PDE8B: variants seen among roughly 807,000 people sequenced by gnomAD.
The protein encoded by PDE8B is high affinity cAMP-specific and IBMX-insensitive 3',5'-cyclic phosphodiesterase 8B.
PDE8B carries 26 observed loss-of-function variants against 101.3 expected under a neutral mutation model. The ratio of observed to expected loss-of-function variants is 0.26; its 90% confidence interval spans 0.19 to 0.36. PDE8B has a LOEUF of 0.36. PDE8B is among the 10% of genes least tolerant of loss of function. The pLI, the probability that PDE8B is intolerant of heterozygous loss-of-function variation, is 1.00. For synonymous variants in PDE8B, 424 were observed against 429.3 expected, an observed-to-expected ratio of 0.99 and a Z score of 0.15; for missense variants, 810 against 1,163.1, an observed-to-expected ratio of 0.70 and a Z score of 4.42.
At chr5:77,174,222 GGT>G in the PDE8B span, among the ~76,000 whole-genome samples, 1 of 151,828 alleles carries the variant, frequency 6.6e-6, no homozygotes, top group African/African-American at 2.4e-5. Flanking sequence ...ATCCTTCCTG[GGT>G]GTCAACACAC....
chr5:77,310,136 A>G (rs992347633), intron 1 of PDE8B, among the ~76,000 whole-genome samples: 2 of 151,690 alleles, frequency 1.3e-5, no homozygotes, highest in African/African-American at 2.4e-5. Context: ...TTTTTAGTAG[A>G]GATGGGGTTT....
At chr5:77,169,098 T>C in the PDE8B span, among the ~76,000 whole-genome samples, 1 of 152,252 alleles carries the variant, frequency 6.6e-6, no homozygotes, top group Non-Finnish European at 1.5e-5. Context: ...TCCTGTCACT[T>C]GAACTCTTCC....
chr5:77,291,969 T>A (rs911292300), intron 1 of PDE8B, among the ~76,000 whole-genome samples: 2 of 151,588 alleles, frequency 1.3e-5, no homozygotes, highest in Non-Finnish European at 2.9e-5. Context: ...ACTCCTTTTT[T>A]AAAAATCAAA....
chr5:77,138,798 A>T, the PDE8B span, among the ~76,000 whole-genome samples: 2 of 152,222 alleles, frequency 1.3e-5, no homozygotes, highest in African/African-American at 4.8e-5. Context: ...AAAGATACAG[A>T]TAAGTCTTGT....
the PDE8B span, among the ~76,000 whole-genome samples, chr5:77,135,977 A>G: frequency 6.6e-6 from 1 of 152,096 alleles, no homozygotes; most frequent in South Asian, 2.1e-4. Flanking sequence ...GACCCCCAGG[A>G]TCAAGCTTCT....
intron 2 of PDE8B, among the ~76,000 whole-genome samples, chr5:77,324,170 C>A (rs751716219): frequency 6.6e-6 from 1 of 151,992 alleles, no homozygotes; most frequent in African/African-American, 2.4e-5. Context: ...ATATTGAGTG[C>A]CTTAACGATA....
intron 1 of PDE8B, among the ~76,000 whole-genome samples, chr5:77,258,289 CAAAAAAAAAAAA>C (rs70988662): frequency 1.1e-5 from 1 of 88,580 alleles, no homozygotes; most frequent in South Asian, 4.1e-4. Context: ...GACTCCATCT[CAAAAAAAAAAAA>C]AAAAAAAAAG....
chr5:77,210,842 CCCCCTCA>C lies in PDE8B; in HGVS notation c.-82_-76del. 1 of 1,045,672 alleles carries C rather than the reference CCCCCTCA, an allele frequency of 9.6e-7. No individual in the cohort carries two copies. Among genetic ancestry groups the C allele is most frequent in the Non-Finnish European group, 1.1e-6 (1 of 870,726 alleles). The allele number at this position is 1,045,672 out of a possible 1,614,324, so 64.8% of individuals were successfully genotyped here. On this transcript the variant is annotated 5_prime_UTR_variant, in exon 1 of 22. Coordinates refer to ENST00000264917, the MANE Select transcript of PDE8B (RefSeq NM_003719.5). This position sits in a 1 kb window ranked among gnomAD's most constrained non-coding sequence, Gnocchi z 4.9. ...CGCAGTCCGGGCGCCGCCGCGGCCG[CCCCCTCA>C]CTGCAGGTGGCAGCGGGTGCGCTGG...
the PDE8B span, among the ~76,000 whole-genome samples, chr5:77,152,753 C>G: frequency 2.6e-5 from 4 of 152,118 alleles, no homozygotes; most frequent in African/African-American, 9.7e-5. Context: ...GCCTGCCCAC[C>G]CAACCCTGCC....
At chr5:77,409,432 T>G (rs1794109962) in intron 14 of PDE8B, among the ~76,000 whole-genome samples, 1 of 152,204 alleles carries the variant, frequency 6.6e-6, no homozygotes, top group Non-Finnish European at 1.5e-5. Flanking sequence ...GGACCTCAGA[T>G]TCCTCATGTA....
At chr5:77,345,025 T>C (rs1779897596) in intron 7 of PDE8B, 94 bp downstream of exon 7, 3 of 806,360 alleles carry the variant, frequency 3.7e-6, no homozygotes, top group Admixed American at 3.5e-5. Context: ...ATCATCCTCA[T>C]GTATCAGCAC....
At chr5:77,291,865 AAG>A in intron 1 of PDE8B, 2 of 1,412,016 alleles carry the variant, frequency 1.4e-6, no homozygotes, top group Non-Finnish European at 2.0e-6. Context: ...GAAGAAGACA[AAG>A]AAAATTAAAG....
chr5:77,314,410 T>C (rs1035890582), intron 2 of PDE8B, among the ~76,000 whole-genome samples: 1 of 152,122 alleles, frequency 6.6e-6, no homozygotes, highest in African/African-American at 2.4e-5. Context: ...TTTTGTCAAT[T>C]TCTGTGGGGG....
In PDE8B at chr5:77,426,724, A is replaced by C; in HGVS notation, c.*170A>C. 1 of 646,614 alleles carries C rather than the reference A, an allele frequency of 1.5e-6. No homozygotes were observed. Among genetic ancestry groups the C allele is most frequent in the East Asian group, 2.8e-5 (1 of 36,068 alleles). 40.1% of individuals were successfully genotyped at this position (646,614 alleles called of 1,614,324 possible). A position where few individuals can be genotyped will look rare whatever the true frequency, so the allele number is the denominator to read the frequency against. ...CCCCAAATTTCATTCTTAGAAAGTT[A>C]TGTTCCATGAAGAAAAATATATGTT... On this transcript the variant is annotated 3_prime_UTR_variant, in exon 22 of 22. Transcript: ENST00000264917.
intron 1 of PDE8B, among the ~76,000 whole-genome samples, chr5:77,213,486 A>G (rs923151173): frequency 1.8e-4 from 28 of 152,200 alleles, no homozygotes; most frequent in African/African-American, 5.8e-4. Context: ...TCTTTTCTCA[A>G]TCGTAAAGTT....
At chr5:77,285,185 C>T (rs899067706) in intron 1 of PDE8B, among the ~76,000 whole-genome samples, 1 of 152,102 alleles carries the variant, frequency 6.6e-6, no homozygotes, top group Non-Finnish European at 1.5e-5. Context: ...AAGACAGATG[C>T]CTGTATAATC....
chr5:77,260,083 G>A (rs1288783376), intron 1 of PDE8B, among the ~76,000 whole-genome samples: 1 of 143,162 alleles, frequency 7.0e-6, no homozygotes, highest in African/African-American at 2.6e-5. Context: ...AGAATCGCTT[G>A]AACTCGGGAG....
chr5:77,233,013 G>A (rs1158563633), intron 1 of PDE8B, among the ~76,000 whole-genome samples: 1 of 152,170 alleles, frequency 6.6e-6, no homozygotes, highest in Non-Finnish European at 1.5e-5. Flanking sequence ...GCAGTGTGGG[G>A]AGCTAATCAG....
chr5:77,397,707 C>A (rs1791368851), intron 10 of PDE8B, among the ~76,000 whole-genome samples: 1 of 152,154 alleles, frequency 6.6e-6, no homozygotes, highest in African/African-American at 2.4e-5. Flanking sequence ...GGAACAGGGC[C>A]AAGAAAGCAT....
Sources: allele counts gnomAD v4.1 joint callset (sites outside exome capture counted in the v4.1 genomes callset), GRCh38; gene constraint gnomAD v4.1.1; non-coding constraint Gnocchi (gnomAD v3.1); transcripts MANE v1.5; gene names NCBI Gene and HGNC (gene_info 2026-07-23, HGNC 2026-07-21).